Variants in SYNGR1 observed in about 807,000 individuals in gnomAD.
SYNGR1 encodes synaptogyrin 1.
A neutral mutation model predicts 26.1 loss-of-function variants in SYNGR1; 14 were observed. The ratio of observed to expected loss-of-function variants is 0.54; its 90% CI spans 0.35 to 0.84. The LOEUF (loss-of-function observed/expected upper bound fraction) is 0.84, where lower values mean the gene tolerates loss of function less well. Ranked by LOEUF, SYNGR1 falls within the 40% of genes least tolerant of loss-of-function variation. The pLI, the probability that SYNGR1 is intolerant of heterozygous loss-of-function variation, is 0.01. For synonymous variants in SYNGR1, 141 were observed against 150.1 expected (o/e 0.94, Z 0.44); for missense variants, 319 against 332.9 (o/e 0.96, Z 0.33).
chr22:39,368,448 C>G (rs1043989749), intron 1 of SYNGR1, among the ~76,000 whole-genome samples: 14 of 152,340 alleles, frequency 9.2e-5, no homozygotes, highest in Middle Eastern at 3.4e-3. Context: ...CCTCCCAGCG[C>G]AGTGCCAGGA....
At chr22:39,381,234 C>A (rs1333435406) in intron 3 of SYNGR1, among the ~76,000 whole-genome samples, 2 of 152,204 alleles carry the variant, frequency 1.3e-5, no homozygotes, top group Non-Finnish European at 2.9e-5. Flanking sequence ...GGACAGAGAA[C>A]ATGAGGGTAC....
intron 3 of SYNGR1, among the ~76,000 whole-genome samples, chr22:39,379,135 G>C (rs978976164): frequency 6.6e-6 from 1 of 152,134 alleles, no homozygotes; most frequent in Non-Finnish European, 1.5e-5. Flanking sequence ...CACCTCCCCT[G>C]CTTCTTCAGG....
Position 39,376,116 on chromosome 22 carries a change from G to A in SYNGR1, c.402G>A (p.Lys134=), listed in dbSNP as rs1225793351. 3 of 1,614,200 alleles carry A rather than the reference G, an allele frequency of 1.9e-6. No homozygotes were observed. The Admixed American group carries it at 5.0e-5, about 27-fold the overall frequency. The change falls in exon 3 of 4, where the codon AAG becomes AAA. Residue 134 remains lysine (K), a synonymous_variant. Coordinates refer to ENST00000328933, the MANE Select transcript of SYNGR1 (RefSeq NM_004711.5). The stretch of plus-strand genomic sequence containing the variant: ...TGGCCAACCAGTGGCAGGTCTCCAA[G>A]CCCAAGGACAACCCACTGAACGAAG... ...CYLANQWQVS[K]PKDNPLNEGT...
rs1160014260 is a variant in SYNGR1, at chr22:39,350,088, C to G, written c.78C>G (p.Thr26=). The G allele has an allele frequency of 6.8e-7, 1 of 1,469,156 alleles. No individual in the cohort carries two copies. The highest frequency in any genetic ancestry group is 1.8e-4 in the Middle Eastern group (1 of 5,436). The allele number at this position is 1,469,156 out of a possible 1,614,324, so 91.0% of individuals were successfully genotyped here. A position where few individuals can be genotyped will look rare whatever the true frequency, so the allele number is the denominator to read the frequency against. ...ACACCCTGGTCCGGCAGCCGCACAC[C>G]ATCCTGCGCGTCGTGTCTTGGGTAA... ...DPYTLVRQPH[T]ILRVVSWLFS... is the part of the protein sequence containing the mutation. The change falls in exon 1 of 4, where the codon ACC becomes ACG. Residue 26 remains threonine, a synonymous_variant. Transcript: ENST00000328933. This position sits in a 1 kb window ranked among gnomAD's most constrained non-coding sequence, Gnocchi z 4.3.
intron 1 of SYNGR1, among the ~76,000 whole-genome samples, chr22:39,371,202 C>T (rs1305066698): frequency 6.6e-6 from 1 of 152,112 alleles, no homozygotes. Flanking sequence ...TGAGGCCGGG[C>T]GTGGTGGCTG....
chr22:39,376,913 G>A (rs1483530917), intron 3 of SYNGR1: 15 of 1,529,672 alleles, frequency 9.8e-6, no homozygotes, highest in Non-Finnish European at 1.2e-5. Context: ...AACAAAGTAT[G>A]TCTCTGGGCC....
chr22:39,380,746 G>T (rs552730280), intron 3 of SYNGR1, among the ~76,000 whole-genome samples: 2 of 148,200 alleles, frequency 1.3e-5, no homozygotes, highest in South Asian at 2.2e-4. Flanking sequence ...TGCACCTCCC[G>T]AGTAGCTGGG....
At chr22:39,374,097 T>C (rs1220336627) in intron 1 of SYNGR1, among the ~76,000 whole-genome samples, 1 of 152,142 alleles carries the variant, frequency 6.6e-6, no homozygotes, top group Non-Finnish European at 1.5e-5. Flanking sequence ...CCTCAGTGCC[T>C]GTGGCTGAGG....
chr22:39,370,841 G>A (rs971367676), intron 1 of SYNGR1, among the ~76,000 whole-genome samples: 3 of 151,618 alleles, frequency 2.0e-5, no homozygotes, highest in Non-Finnish European at 4.4e-5. Context: ...GGCTAGTCTC[G>A]AACTCCTGAC....
At chr22:39,377,812 G>C in intron 3 of SYNGR1, 1 of 1,531,938 alleles carries the variant, frequency 6.5e-7, no homozygotes, top group South Asian at 1.2e-5. Context: ...AGGCTGGCTT[G>C]AGGAACCAAT....
chr22:39,365,166 G>A (rs971507709), intron 1 of SYNGR1, among the ~76,000 whole-genome samples: 9 of 152,152 alleles, frequency 5.9e-5, no homozygotes, highest in African/African-American at 2.2e-4. Context: ...CTTGTTGGAT[G>A]AATTTTCCCC....
intron 1 of SYNGR1, among the ~76,000 whole-genome samples, chr22:39,364,657 A>G (rs1295644877): frequency 1.3e-5 from 2 of 152,100 alleles, no homozygotes; most frequent in Non-Finnish European, 2.9e-5. Flanking sequence ...TTGAAGATGA[A>G]GAAGGTAGGA....
At chr22:39,378,490 G>T (rs1925390265) in intron 3 of SYNGR1, 1 of 984,774 alleles carries the variant, frequency 1.0e-6, no homozygotes. Flanking sequence ...AAGGATTTTG[G>T]TCTCTGGTTC....
In SYNGR1 at chr22:39,350,973, G is replaced by C. The variant is rs1047378314; in HGVS notation, c.99+864G>C. 1.1e-4 allele frequency among the ~76,000 whole-genome samples: 16 copies of C among 152,204 alleles called. No homozygotes were observed. The highest frequency in any genetic ancestry group is 1.6e-4 in the Non-Finnish European group (11 of 68,036). ...GGGGGGCAGGGTCCTCAGTGCAGAG[G>C]GCTGAGTGGGCTCTTGTTCAGACGG... On this transcript the variant is annotated intron_variant, in intron 1 of 3. Coordinates refer to ENST00000328933, the MANE Select transcript of SYNGR1 (RefSeq NM_004711.5). The surrounding 1 kb of genome is among the most constrained non-coding windows in gnomAD (Gnocchi z 4.3).
At chr22:39,380,480 C>T (rs1021410885) in intron 3 of SYNGR1, among the ~76,000 whole-genome samples, 3 of 152,036 alleles carry the variant, frequency 2.0e-5, no homozygotes, top group African/African-American at 7.2e-5. Flanking sequence ...GCCTCAAACC[C>T]ATAGGCTCAG....
chr22:39,370,135 TTTTTG>T (rs1041761206), intron 1 of SYNGR1, among the ~76,000 whole-genome samples: 2 of 151,922 alleles, frequency 1.3e-5, no homozygotes, highest in African/African-American at 4.8e-5. Flanking sequence ...ACTCAGCTAA[TTTTTG>T]TTTTGTTTTG....
chr22:39,366,254 G>A (rs1404346308), intron 1 of SYNGR1, among the ~76,000 whole-genome samples: 1 of 151,614 alleles, frequency 6.6e-6, no homozygotes. Flanking sequence ...CTCCCAAAGT[G>A]CTGGGATCAC....
In SYNGR1 at chr22:39,383,974, C is replaced by T. The variant is rs1027174306; in HGVS notation, c.*2060C>T. On this transcript the variant is annotated 3_prime_UTR_variant, in exon 4 of 4. Transcript: ENST00000328933. ...GTTGTTGCTGACTTCATTTTCCAAT[C>T]CGGAGAAGGGGCTCTGTCCACAGTC... 8 of 152,282 alleles carry T rather than the reference C, an allele frequency of 5.3e-5. No homozygotes were observed. The allele number at this position is 152,282 out of a possible 1,614,324, so 9.4% of individuals were successfully genotyped here. A position where few individuals can be genotyped will look rare whatever the true frequency, so the allele number is the denominator to read the frequency against.
intron 2 of SYNGR1, 106 bp downstream of exon 2, chr22:39,374,659 A>C (rs770681256): frequency 1.6e-6 from 2 of 1,241,814 alleles, no homozygotes; most frequent in African/African-American, 3.0e-5. Context: ...TGAGGAAATG[A>C]GGTGCAGGCG....
Sources: gnomAD v4.1 joint callset for allele counts (sites outside exome capture counted in the v4.1 genomes callset) on GRCh38, gnomAD v4.1.1 for gene constraint, Gnocchi (gnomAD v3.1) non-coding constraint, MANE v1.5 for transcripts, NCBI Gene and HGNC (gene_info 2026-07-23, HGNC 2026-07-21) for gene names.